PIK3CB: variants seen among roughly 807,000 people sequenced by gnomAD.
The protein encoded by PIK3CB is phosphatidylinositol 4,5-bisphosphate 3-kinase catalytic subunit beta isoform.
In PIK3CB, 39 loss-of-function variants were observed where a neutral mutation model predicts 136.8. That is an observed-to-expected ratio of 0.29 (90% CI 0.22 to 0.37). The LOEUF is 0.37. Among genes scored for constraint, PIK3CB ranks in the 10% least tolerant of loss-of-function variants. The pLI is 1.00. For missense variants in PIK3CB, 868 were observed against 1,275.4 expected, an observed-to-expected ratio of 0.68 and a Z score of 4.87; for synonymous variants, 428 against 436.6, an observed-to-expected ratio of 0.98 and a Z score of 0.25.
At chr3:138,833,454 T>G (rs7611523) in intron 1 of PIK3CB, among the ~76,000 whole-genome samples, 7,481 of 152,238 alleles carry the variant, frequency 0.049, 624 homozygotes, top group African/African-American at 0.17. Flanking sequence ...GCTACATTAT[T>G]ATGACTTAAA....
At chr3:138,693,716 A>G (rs926051405) in intron 14 of PIK3CB, among the ~76,000 whole-genome samples, 1 of 151,912 alleles carries the variant, frequency 6.6e-6, no homozygotes, top group Non-Finnish European at 1.5e-5. Context: ...CCAAATTTTT[A>G]AAAAGCATGA....
At chr3:138,665,621 T>G (rs2043392016) in intron 19 of PIK3CB, among the ~76,000 whole-genome samples, 1 of 152,216 alleles carries the variant, frequency 6.6e-6, no homozygotes, top group Non-Finnish European at 1.5e-5. Context: ...ACTCCGTCCT[T>G]CTGGTGGCAC....
intron 10 of PIK3CB, among the ~76,000 whole-genome samples, chr3:138,711,057 C>T (rs2044486517): frequency 1.3e-5 from 2 of 150,850 alleles, no homozygotes; most frequent in Non-Finnish European, 2.9e-5. Context: ...GCACTCCAGC[C>T]GAGGTGACAG....
chr3:138,829,631 G>T (rs1933936917), intron 1 of PIK3CB, among the ~76,000 whole-genome samples: 1 of 152,032 alleles, frequency 6.6e-6, no homozygotes, highest in South Asian at 2.1e-4. Context: ...CATGAAAACT[G>T]CTAGGGTTAG....
chr3:138,697,594 G>A (rs530012893), intron 13 of PIK3CB, among the ~76,000 whole-genome samples: 8 of 152,108 alleles, frequency 5.3e-5, no homozygotes, highest in African/African-American at 1.9e-4. Context: ...CACCATGTCT[G>A]GTTAATTTTT....
chr3:138,700,738 GATA>G (rs746045925), intron 12 of PIK3CB, among the ~76,000 whole-genome samples: 2 of 148,782 alleles, frequency 1.3e-5, no homozygotes, highest in African/African-American at 5.1e-5. Context: ...TAGATAGATA[GATA>G]GATAGAGATA....
Position 138,653,302 on chromosome 3 carries a change from G to C in PIK3CB, c.*2087C>G. ...AATTAAAATAGGCTTCTTACTTTCTGGGTTTGAATACTGGCTCCATCAACT... is the reference window on the plus strand; with the variant it reads ...AATTAAAATAGGCTTCTTACTTTCTCGGTTTGAATACTGGCTCCATCAACT... On this transcript the variant is annotated 3_prime_UTR_variant, in exon 24 of 24. Transcript: ENST00000674063. The C allele has an allele frequency of 5.7e-6, 1 of 176,338 alleles. No homozygotes were observed. Among genetic ancestry groups the C allele is most frequent in the Non-Finnish European group, 1.2e-5 (1 of 81,900 alleles). The allele number at this position is 176,338 out of a possible 1,614,324, so 10.9% of individuals were successfully genotyped here.
intron 8 of PIK3CB, among the ~76,000 whole-genome samples, chr3:138,715,153 A>G (rs1311337776): frequency 6.6e-6 from 1 of 152,196 alleles, no homozygotes; most frequent in African/African-American, 2.4e-5. Context: ...AGATGGCTCC[A>G]AAGTTTCTTT....
intron 8 of PIK3CB, among the ~76,000 whole-genome samples, chr3:138,727,026 G>A (rs1285882789): frequency 6.6e-6 from 1 of 151,918 alleles, no homozygotes; most frequent in Non-Finnish European, 1.5e-5. Context: ...CTCCAACCTG[G>A]GTGACGGAGC....
chr3:138,762,143 G>T (rs1159983334), intron 2 of PIK3CB, among the ~76,000 whole-genome samples: 1 of 151,990 alleles, frequency 6.6e-6, no homozygotes, highest in Non-Finnish European at 1.5e-5. Flanking sequence ...CAGCTACTCA[G>T]GAGGCTGAGG....
intron 8 of PIK3CB, among the ~76,000 whole-genome samples, chr3:138,716,755 G>T (rs554622007): frequency 6.6e-6 from 1 of 151,610 alleles, no homozygotes; most frequent in Non-Finnish European, 1.5e-5. Flanking sequence ...AATTAGCTGG[G>T]TGTGGTGGAG....
chr3:138,722,128 T>G (rs2044738217), intron 8 of PIK3CB, among the ~76,000 whole-genome samples: 1 of 96,848 alleles, frequency 1.0e-5, no homozygotes, highest in Admixed American at 1.2e-4. Context: ...TGCTACTGGG[T>G]GTTTTTTTTT....
rs531824302 is a variant in PIK3CB, at chr3:138,792,447, C to T, written c.-17+4016G>A. On this transcript the variant is annotated intron_variant, in intron 2 of 23. Coordinates refer to ENST00000674063, the MANE Select transcript of PIK3CB (RefSeq NM_006219.3). The stretch of plus-strand genomic sequence containing the variant: ...GAAGTGCAGTGGTAGGATCTGGGCT[C>T]ACTGCAGCCTCGACCTCCTGGGCTC... Among the ~76,000 whole-genome samples the T allele has an allele frequency of 2.0e-5, 3 of 152,246 alleles. No individual in the cohort carries two copies. The South Asian group carries it at 6.2e-4, about 32-fold the overall frequency.
rs778719229 is a variant in PIK3CB at position 138,707,212 on chromosome 3, C to T, written c.1477G>A (p.Val493Ile). 30 of 1,612,662 alleles carry T rather than the reference C, an allele frequency of 1.9e-5. No homozygotes were observed. The highest frequency in any genetic ancestry group is 2.4e-5 in the Non-Finnish European group (28 of 1,179,130). ...PYTENATALH[V>I]KFPENKKQPY... ...TGTTTTTTATTCTCTGGAAATTTAA[C>T]ATGCAAAGCTGTTGCATTTTCAGTA... Residue 493 changes from valine to isoleucine, a missense_variant, in exon 11 of 24, where the codon GTT (valine) becomes ATT (isoleucine). Transcript: ENST00000674063.
chr3:138,737,616 G>A (rs2045139475), intron 6 of PIK3CB, 91 bp downstream of exon 6: 2 of 371,540 alleles, frequency 5.4e-6, no homozygotes, highest in Non-Finnish European at 8.8e-6. Flanking sequence ...GTTCCAGTGT[G>A]GGAACACATT....
At position 138,654,849 on chromosome 3, in the gene PIK3CB, A is replaced by C. The variant is rs1402923310; in HGVS notation, c.*540T>G. The C allele has an allele frequency of 4.8e-6, 1 of 209,160 alleles. No individual in the cohort carries two copies. The highest frequency in any genetic ancestry group is 9.7e-6 in the Non-Finnish European group (1 of 102,866). The allele number at this position is 209,160 out of a possible 1,614,324, so 13.0% of individuals were successfully genotyped here. A position where few individuals can be genotyped will look rare whatever the true frequency, so the allele number is the denominator to read the frequency against. On this transcript the variant is annotated 3_prime_UTR_variant, in exon 24 of 24. Transcript: ENST00000674063. ...GAAATAAATATTAACAAAAGAATTAATGAGTATCCACAGGTTTACAAGATT... is the reference window on the plus strand; with the variant it reads ...GAAATAAATATTAACAAAAGAATTACTGAGTATCCACAGGTTTACAAGATT...
intron 12 of PIK3CB, among the ~76,000 whole-genome samples, chr3:138,700,891 A>G (rs2044237917): frequency 6.6e-6 from 1 of 152,226 alleles, no homozygotes; most frequent in Non-Finnish European, 1.5e-5. Context: ...GAAGTGGGTG[A>G]CAGCTTGATC....
At chr3:138,763,250 T>C (rs1040747508) in intron 2 of PIK3CB, among the ~76,000 whole-genome samples, 3 of 152,128 alleles carry the variant, frequency 2.0e-5, no homozygotes, top group African/African-American at 7.2e-5. Context: ...GCAATTCTCC[T>C]GCTTCAGCCT....
intron 17 of PIK3CB, among the ~76,000 whole-genome samples, chr3:138,684,210 A>C (rs1441427942): frequency 6.6e-6 from 1 of 152,154 alleles, no homozygotes; most frequent in African/African-American, 2.4e-5. Flanking sequence ...ATTATTTTCC[A>C]TTATTACTTT....
Sources: allele counts gnomAD v4.1 joint callset (sites outside exome capture counted in the v4.1 genomes callset), GRCh38; gene constraint gnomAD v4.1.1; transcripts MANE v1.5; gene names NCBI Gene and HGNC (gene_info 2026-07-23, HGNC 2026-07-21).